The following ERC1 variants were observed in gnomAD, a reference collection of about 807,000 sequenced individuals.
The protein encoded by ERC1 is RAB6 interacting protein 2.
A neutral mutation model predicts 132.0 loss-of-function variants in ERC1; 56 were observed. The observed-to-expected ratio is 0.42, with a 90% CI of 0.34 to 0.53. ERC1 has a LOEUF of 0.53. Ranked by LOEUF, ERC1 falls within the 20% of genes least tolerant of loss-of-function variation. The pLI, the probability that ERC1 is intolerant of heterozygous loss-of-function variation, is 0.03. For missense variants in ERC1, 1,202 were observed against 1,349.9 expected (o/e 0.89, Z 1.72); for synonymous variants, 478 against 476.1 (o/e 1.00, Z -0.05).
chr12:1,285,310 A>G (rs1048432153), intron 14 of ERC1, among the ~76,000 whole-genome samples: 2 of 152,204 alleles, frequency 1.3e-5, no homozygotes, highest in Non-Finnish European at 2.9e-5. Flanking sequence ...GATAAAAGAA[A>G]AGATCAAGGC....
At position 1,074,886 on chromosome 12, in the gene ERC1, T is replaced by C. The variant is rs368620021; in HGVS notation, c.670-8278T>C. On this transcript the variant is annotated intron_variant, in intron 2 of 18. Transcript: ENST00000360905. ...ACTTTGGTTAGTAAGCTCCAAATAA[T>C]GGGTGAGAATGTTAAACAATTTAAT... 5.9e-5 allele frequency among the ~76,000 whole-genome samples: 9 copies of C among 152,154 alleles called. No individual in the cohort carries two copies. In the East Asian group the frequency reaches 1.4e-3, roughly 23 times the overall value.
chr12:991,952 T>C (rs965186611), intron 1 of ERC1, among the ~76,000 whole-genome samples: 1 of 146,716 alleles, frequency 6.8e-6, no homozygotes, highest in Non-Finnish European at 1.5e-5. Context: ...GTTTCTACTT[T>C]AGGGTTCGAT....
chr12:1,128,400 T>G (rs1948422570), intron 7 of ERC1, among the ~76,000 whole-genome samples: 1 of 152,172 alleles, frequency 6.6e-6, no homozygotes, highest in Non-Finnish European at 1.5e-5. Context: ...TTTTATTTTC[T>G]TAATTTTTAA....
intron 7 of ERC1, among the ~76,000 whole-genome samples, chr12:1,135,318 G>A (rs368471272): frequency 1.3e-5 from 2 of 152,126 alleles, no homozygotes; most frequent in African/African-American, 2.4e-5. Context: ...TTACCACTTC[G>A]GGCTTCTAGT....
At chr12:1,433,015 G>A (rs1187062753) in intron 17 of ERC1, among the ~76,000 whole-genome samples, 1 of 152,224 alleles carries the variant, frequency 6.6e-6, no homozygotes, top group African/African-American at 2.4e-5. Flanking sequence ...ATAGCCACGG[G>A]AGCTACATTG....
chr12:1,181,001 C>T (rs541194363), intron 9 of ERC1, among the ~76,000 whole-genome samples: 3 of 151,976 alleles, frequency 2.0e-5, no homozygotes, highest in Admixed American at 1.3e-4. Flanking sequence ...TTTGTAGAGA[C>T]GGGGTTTTGC....
chr12:1,091,998 A>ATTT (rs1257379725), intron 3 of ERC1, among the ~76,000 whole-genome samples: 7 of 103,238 alleles, frequency 6.8e-5, no homozygotes, highest in Non-Finnish European at 1.1e-4. Context: ...CATTTAATCA[A>ATTT]TTCTTTTTTT....
intron 15 of ERC1, among the ~76,000 whole-genome samples, chr12:1,367,571 ATGT>A (rs1400604136): frequency 2.0e-5 from 3 of 152,184 alleles, no homozygotes; most frequent in Admixed American, 6.5e-5. Flanking sequence ...TAGAAGTCTA[ATGT>A]TGTGGCGTTC....
At chr12:1,156,260 A>G (rs1318656164) in intron 8 of ERC1, among the ~76,000 whole-genome samples, 2 of 151,860 alleles carry the variant, frequency 1.3e-5, no homozygotes, top group Non-Finnish European at 2.9e-5. Context: ...TTTTTTTGAG[A>G]CAGAGTCTCA....
chr12:1,128,099 C>T (rs551764862), intron 7 of ERC1, among the ~76,000 whole-genome samples: 8 of 152,248 alleles, frequency 5.3e-5, no homozygotes, highest in African/African-American at 1.7e-4. Context: ...CAACCTAGTA[C>T]GTGTAGATTC....
At chr12:1,206,819 G>T (rs1419068264) in intron 12 of ERC1, among the ~76,000 whole-genome samples, 1 of 151,988 alleles carries the variant, frequency 6.6e-6, no homozygotes, top group East Asian at 1.9e-4. Flanking sequence ...AGTTACCACT[G>T]TAGACTTGTT....
At chr12:1,246,346 ATAG>A (rs1425874488) in intron 13 of ERC1, among the ~76,000 whole-genome samples, 2 of 152,304 alleles carry the variant, frequency 1.3e-5, no homozygotes, top group East Asian at 3.9e-4. Flanking sequence ...AAAAAAAAAG[ATAG>A]TATTTTAATC....
rs1156630512 is a variant in ERC1, at chr12:1,469,571, G to A, written c.3214-20522G>A. On this transcript the variant is annotated intron_variant, in intron 18 of 18. Transcript: ENST00000360905. The stretch of plus-strand genomic sequence containing the variant: ...GGAATAAACTGTGTGAAGCCATGTG[G>A]GTCCTGGAGCTCCGTGGCTTCACCC... 3.9e-5 allele frequency among the ~76,000 whole-genome samples: 6 copies of A among 152,332 alleles called. No individual in the cohort carries two copies. In the East Asian group the frequency reaches 1.2e-3, roughly 29 times the overall value.
intron 12 of ERC1, among the ~76,000 whole-genome samples, chr12:1,217,269 C>T (rs2154293408): frequency 6.6e-6 from 1 of 152,256 alleles, no homozygotes; most frequent in Admixed American, 6.5e-5. Context: ...GATTTCTTGG[C>T]ACAGTACAGT....
intron 13 of ERC1, among the ~76,000 whole-genome samples, chr12:1,249,760 A>G (rs1285932839): frequency 2.0e-5 from 3 of 152,172 alleles, no homozygotes; most frequent in Non-Finnish European, 4.4e-5. Flanking sequence ...TATTTCTCAC[A>G]GTTCTGTGCC....
chr12:1,324,585 A>G (rs935239099), intron 15 of ERC1, among the ~76,000 whole-genome samples: 1 of 152,194 alleles, frequency 6.6e-6, no homozygotes, highest in African/African-American at 2.4e-5. Context: ...AGGCTTGAAT[A>G]TAAAGTTCAT....
chr12:1,428,059 A>C (rs1047235178), intron 17 of ERC1, among the ~76,000 whole-genome samples: 1 of 152,158 alleles, frequency 6.6e-6, no homozygotes, highest in Non-Finnish European at 1.5e-5. Context: ...TAGCATTTGA[A>C]GCATCTCTGG....
intron 15 of ERC1, among the ~76,000 whole-genome samples, chr12:1,323,061 A>G (rs2082215505): frequency 6.6e-6 from 1 of 152,156 alleles, no homozygotes. Flanking sequence ...GGGAAAAATT[A>G]TGTTGTAATC....
At chr12:1,229,103 G>C (rs186267839) in intron 12 of ERC1, among the ~76,000 whole-genome samples, 2 of 152,300 alleles carry the variant, frequency 1.3e-5, no homozygotes, top group Non-Finnish European at 1.5e-5. Flanking sequence ...TTGTGCTTAA[G>C]TGTTTGGTGG....
Sources: gnomAD v4.1 joint callset for allele counts (sites outside exome capture counted in the v4.1 genomes callset) on GRCh38, gnomAD v4.1.1 for gene constraint, MANE v1.5 for transcripts, NCBI Gene and HGNC (gene_info 2026-07-23, HGNC 2026-07-21) for gene names.